Variants in PDK1 observed in about 807,000 individuals in gnomAD.
PDK1 encodes pyruvate dehydrogenase kinase 1, also known as [Pyruvate dehydrogenase (acetyl-transferring)] kinase isozyme 1, mitochondrial.
In PDK1, 39 loss-of-function variants were observed where a neutral mutation model predicts 54.2. The ratio of observed to expected loss-of-function variants is 0.72; its 90% CI spans 0.56 to 0.94. The LOEUF is 0.94. Among genes scored for constraint, PDK1 ranks in the 40% least tolerant of loss-of-function variants. The pLI, the probability that PDK1 is intolerant of heterozygous loss-of-function variation, is 0.00. For missense variants in PDK1, 552 were observed against 566.0 expected, an observed-to-expected ratio of 0.98 and a Z score of 0.25; for synonymous variants, 221 against 207.1, an observed-to-expected ratio of 1.07 and a Z score of -0.58.
chr2:172,568,545 TTGTC>T (rs1211649922), intron 6 of PDK1, among the ~76,000 whole-genome samples, 192 bp from the exon 7 acceptor site: 1 of 152,202 alleles, frequency 6.6e-6, no homozygotes, highest in Non-Finnish European at 1.5e-5. Flanking sequence ...CACAGGACTC[TTGTC>T]ATCATCAGTT....
chr2:172,696,194 A>G, the PDK1 span, among the ~76,000 whole-genome samples: 14 of 151,876 alleles, frequency 9.2e-5, no homozygotes, highest in Admixed American at 6.6e-4. Flanking sequence ...AAAAAGAAAA[A>G]AAAAAGCTTA....
chr2:172,564,521 A>T lies in PDK1; in HGVS notation c.429A>T (p.Ile143=), dbSNP rs1688829011. 6.2e-7 allele frequency: 1 copy of T among 1,613,962 alleles called. No homozygotes were observed. The highest frequency in any genetic ancestry group is 8.5e-7 in the Non-Finnish European group (1 of 1,179,944). ...TGTTTAGCTTTACAGATACTGTGAT[A>T]CGGATCAGAAACCGACACAATGATG... The part of the protein sequence containing the change: ...KAIYDFTDTV[I]RIRNRHNDVI... Residue 143 remains isoleucine, a synonymous_variant, in exon 4 of 11, where the codon ATA becomes ATT. Transcript: ENST00000282077.
the PDK1 span, among the ~76,000 whole-genome samples, chr2:172,673,346 T>C: frequency 6.6e-6 from 1 of 152,198 alleles, no homozygotes; most frequent in Non-Finnish European, 1.5e-5. Flanking sequence ...TTGGAGGTCA[T>C]ATGCCAGTTA....
rs1574550131 is a variant in PDK1 at position 172,601,627 on chromosome 2, T to C, written c.*5658T>C. 1 of 152,342 alleles carries C rather than the reference T, an allele frequency of 6.6e-6. No individual in the cohort carries two copies. The highest frequency in any genetic ancestry group is 2.1e-4 in the South Asian group (1 of 4,824). 9.4% of individuals were successfully genotyped at this position (152,342 alleles called of 1,614,324 possible). A position where few individuals can be genotyped will look rare whatever the true frequency, so the allele number is the denominator to read the frequency against. ...GCCTTGCGGAACTGTGAGTCAATCC[T>C]TTTTATTATAAATTACCCCGTCTCA... is the stretch of plus-strand genomic sequence containing the variant. On this transcript the variant is annotated 3_prime_UTR_variant, in exon 11 of 11. Coordinates refer to ENST00000282077, the MANE Select transcript of PDK1 (RefSeq NM_002610.5).
the PDK1 span, among the ~76,000 whole-genome samples, chr2:172,656,432 G>GTTT: frequency 1.3e-5 from 2 of 152,118 alleles, no homozygotes; most frequent in African/African-American, 4.8e-5. Context: ...CTTTACAAGT[G>GTTT]CTTCTCAGGT....
the PDK1 span, among the ~76,000 whole-genome samples, chr2:172,650,670 G>T: frequency 6.6e-6 from 1 of 151,990 alleles, no homozygotes. Context: ...AAAAAAGCAG[G>T]GGTTGCAATC....
intron 5 of PDK1, among the ~76,000 whole-genome samples, chr2:172,565,580 C>T (rs542137195): frequency 2.7e-5 from 4 of 146,684 alleles, no homozygotes; most frequent in East Asian, 1.9e-4. Context: ...GGATTACAGG[C>T]GTGAGCCACC....
In PDK1 at chr2:172,596,256, C is replaced by T. The variant is rs767695845; in HGVS notation, c.*287C>T. 34 of 223,112 alleles carry T rather than the reference C, an allele frequency of 1.5e-4. No homozygotes were observed. The highest frequency in any genetic ancestry group is 2.5e-4 in the Non-Finnish European group (29 of 115,750). The allele number at this position is 223,112 out of a possible 1,614,324, so 13.8% of individuals were successfully genotyped here. A position where few individuals can be genotyped will look rare whatever the true frequency, so the allele number is the denominator to read the frequency against. ...TAGACTTCAGAAGTGTGGAAATCTT[C>T]GGGTTTCTATAGGAAACTAGTTTTT... is the stretch of plus-strand genomic sequence containing the variant. On this transcript the variant is annotated 3_prime_UTR_variant, in exon 11 of 11. Transcript: ENST00000282077.
chr2:172,628,278 C>T, the PDK1 span, among the ~76,000 whole-genome samples: 2 of 152,228 alleles, frequency 1.3e-5, no homozygotes, highest in South Asian at 2.1e-4. Flanking sequence ...CCTTGCTTGG[C>T]GCCCTGCCAA....
chr2:172,644,763 G>A, the PDK1 span, among the ~76,000 whole-genome samples: 1 of 152,206 alleles, frequency 6.6e-6, no homozygotes, highest in African/African-American at 2.4e-5. Context: ...AAATGCAAAT[G>A]AGAATTTTAA....
At chr2:172,634,794 G>A in the PDK1 span, among the ~76,000 whole-genome samples, 2 of 148,330 alleles carry the variant, frequency 1.3e-5, no homozygotes, top group Non-Finnish European at 3.0e-5. Context: ...AAAAAGATAA[G>A]GTTTTTTATT....
intron 1 of PDK1, among the ~76,000 whole-genome samples, chr2:172,558,456 CAA>C (rs1469434417): frequency 2.0e-5 from 3 of 152,146 alleles, no homozygotes; most frequent in Admixed American, 6.5e-5. Flanking sequence ...ATTAGGGAGA[CAA>C]GAGTATCGTA....
the PDK1 span, among the ~76,000 whole-genome samples, chr2:172,629,960 C>T: frequency 6.6e-6 from 1 of 152,192 alleles, no homozygotes; most frequent in African/African-American, 2.4e-5. Flanking sequence ...TCACATTCAC[C>T]TCCTCAACAA....
rs149722889 is a variant in PDK1 at position 172,564,522 on chromosome 2, C to T, written c.430C>T (p.Arg144Trp). Residue 144 changes from arginine (R) to tryptophan (W), a missense_variant, in exon 4 of 11, where the codon CGG becomes TGG. By Grantham distance (101) the Arg-to-Trp change is moderately radical. Coordinates refer to ENST00000282077, the MANE Select transcript of PDK1 (RefSeq NM_002610.5). ...AIYDFTDTVI[R>W]IRNRHNDVIP... ...GTTTAGCTTTACAGATACTGTGATA[C>T]GGATCAGAAACCGACACAATGATGT... The T allele has an allele frequency of 1.7e-5, 27 of 1,613,624 alleles. No homozygotes were observed. The highest frequency in any genetic ancestry group is 2.7e-5 in the African/African-American group (2 of 74,888).
chr2:172,701,424 T>C, the PDK1 span, among the ~76,000 whole-genome samples: 26 of 152,200 alleles, frequency 1.7e-4, no homozygotes, highest in Non-Finnish European at 3.4e-4. Context: ...ATTTGGGTTT[T>C]ATAAAGTTTG....
chr2:172,684,092 T>C, the PDK1 span, among the ~76,000 whole-genome samples: 1 of 152,192 alleles, frequency 6.6e-6, no homozygotes, highest in Non-Finnish European at 1.5e-5. Flanking sequence ...GAGAAATATA[T>C]TTTTTGAGCA....
chr2:172,709,065 A>G, the PDK1 span, among the ~76,000 whole-genome samples: 1 of 152,124 alleles, frequency 6.6e-6, no homozygotes, highest in Admixed American at 6.5e-5. Flanking sequence ...GTAGCCATTT[A>G]GCACTATGTT....
the PDK1 span, among the ~76,000 whole-genome samples, chr2:172,666,798 G>GT: frequency 3.9e-5 from 6 of 152,102 alleles, no homozygotes; most frequent in Non-Finnish European, 7.4e-5. Context: ...GAATGAGGAA[G>GT]TTTAAAATGA....
intron 1 of PDK1, among the ~76,000 whole-genome samples, chr2:172,557,860 CTCTT>C (rs1239168301): frequency 6.6e-6 from 1 of 151,900 alleles, no homozygotes; most frequent in African/African-American, 2.4e-5. Context: ...CAAAATTTTC[CTCTT>C]TCTTTTGAGA....
Sources: gnomAD v4.1 joint callset for allele counts (sites outside exome capture counted in the v4.1 genomes callset) on GRCh38, gnomAD v4.1.1 for gene constraint, MANE v1.5 for transcripts, NCBI Gene and HGNC (gene_info 2026-07-23, HGNC 2026-07-21) for gene names.